The following SNTG1 variants were observed in gnomAD, a reference collection of about 807,000 sequenced individuals.
SNTG1 encodes the protein syntrophin gamma 1.
Under a neutral mutation model 74.7 loss-of-function variants are expected in SNTG1, and 39 were observed. The ratio of observed to expected loss-of-function variants is 0.52; its 90% CI spans 0.40 to 0.68. The LOEUF (loss-of-function observed/expected upper bound fraction) is 0.68. Among genes scored for constraint, SNTG1 ranks in the 30% least tolerant of loss-of-function variants. The pLI, the probability that SNTG1 is intolerant of heterozygous loss-of-function variation, is 0.00. For synonymous variants in SNTG1, 254 were observed against 217.1 expected, an observed-to-expected ratio of 1.17 and a Z score of -1.49; for missense variants, 685 against 609.5, an observed-to-expected ratio of 1.12 and a Z score of -1.30.
At chr8:50,257,541 G>A (rs1453374309) in intron 2 of SNTG1, among the ~76,000 whole-genome samples, 1 of 152,174 alleles carries the variant, frequency 6.6e-6, no homozygotes, top group Non-Finnish European at 1.5e-5. Flanking sequence ...TTTGGTTGGT[G>A]AGCAGTTAAG....
At chr8:50,735,821 A>G (rs1054062603) in intron 17 of SNTG1, among the ~76,000 whole-genome samples, 10 of 152,084 alleles carry the variant, frequency 6.6e-5, no homozygotes, top group African/African-American at 2.4e-4. Flanking sequence ...CATAATCATC[A>G]GATTAACCAA....
chr8:50,553,943 T>C (rs1011090754), intron 12 of SNTG1, among the ~76,000 whole-genome samples: 3 of 152,150 alleles, frequency 2.0e-5, no homozygotes, highest in Admixed American at 6.5e-5. Flanking sequence ...CAGTCCGCAA[T>C]TGTTCCATGC....
At chr8:50,707,645 T>C (rs539706450) in intron 16 of SNTG1, among the ~76,000 whole-genome samples, 29 of 152,294 alleles carry the variant, frequency 1.9e-4, no homozygotes, top group Admixed American at 1.2e-3. Context: ...ACAAATACAA[T>C]GCAAGGATAG....
At chr8:50,312,577 G>A (rs2090156758) in intron 2 of SNTG1, among the ~76,000 whole-genome samples, 1 of 149,864 alleles carries the variant, frequency 6.7e-6, no homozygotes, top group Non-Finnish European at 1.5e-5. Context: ...CTTTCACTCA[G>A]TAGCCAAGGG....
At chr8:50,591,862 A>G (rs796349179) in intron 13 of SNTG1, among the ~76,000 whole-genome samples, 10 of 152,242 alleles carry the variant, frequency 6.6e-5, no homozygotes, top group African/African-American at 2.4e-4. Flanking sequence ...AGCCAAGTTG[A>G]TATCTTGGAT....
At chr8:49,982,056 A>C (rs1400271381) in intron 1 of SNTG1, among the ~76,000 whole-genome samples, 1 of 152,198 alleles carries the variant, frequency 6.6e-6, no homozygotes, top group Non-Finnish European at 1.5e-5. Context: ...TTTGAAAAAA[A>C]TGAGCATGGT....
At chr8:50,437,999 T>C (rs2093321808) in intron 4 of SNTG1, among the ~76,000 whole-genome samples, 1 of 152,186 alleles carries the variant, frequency 6.6e-6, no homozygotes, top group Non-Finnish European at 1.5e-5. Flanking sequence ...AATTTATTCA[T>C]TTTATGAACA....
At chr8:50,768,233 A>G (rs926738191) in intron 18 of SNTG1, among the ~76,000 whole-genome samples, 1 of 151,788 alleles carries the variant, frequency 6.6e-6, no homozygotes, top group Non-Finnish European at 1.5e-5. Context: ...TTGAGGATTG[A>G]CTCCCATTAA....
intron 2 of SNTG1, among the ~76,000 whole-genome samples, chr8:50,216,205 G>A (rs949454479): frequency 6.6e-6 from 1 of 152,174 alleles, no homozygotes; most frequent in East Asian, 1.9e-4. Context: ...AGCCACAAAA[G>A]GATAGGAACA....
chr8:50,416,853 A>G (rs1289102085), intron 4 of SNTG1, among the ~76,000 whole-genome samples: 1 of 62,590 alleles, frequency 1.6e-5, no homozygotes, highest in African/African-American at 5.2e-5. Context: ...CCTGCATTAG[A>G]GCAATGGAGT....
At chr8:50,330,620 G>A (rs1328424193) in intron 2 of SNTG1, among the ~76,000 whole-genome samples, 2 of 152,040 alleles carry the variant, frequency 1.3e-5, no homozygotes, top group African/African-American at 4.8e-5. Context: ...ATATTAATCT[G>A]TTTTCACAGT....
At chr8:50,251,088 G>C (rs1386839469) in intron 2 of SNTG1, among the ~76,000 whole-genome samples, 1 of 151,932 alleles carries the variant, frequency 6.6e-6, no homozygotes, top group Non-Finnish European at 1.5e-5. Flanking sequence ...AATGAAAAGG[G>C]AGAGGGAAAA....
intron 17 of SNTG1, among the ~76,000 whole-genome samples, chr8:50,742,532 A>G (rs2095545710): frequency 6.6e-6 from 1 of 151,840 alleles, no homozygotes; most frequent in Admixed American, 6.6e-5. Context: ...TTGTAGGAGT[A>G]TAAGTATATA....
At chr8:49,914,087 A>T (rs963569584) in intron 1 of SNTG1, among the ~76,000 whole-genome samples, 11 of 152,290 alleles carry the variant, frequency 7.2e-5, no homozygotes, top group Middle Eastern at 3.4e-3. Context: ...ATGTCCTTAC[A>T]TTGAGATAGA....
At chr8:50,203,787 T>A (rs1314062263) in intron 2 of SNTG1, among the ~76,000 whole-genome samples, 2 of 150,902 alleles carry the variant, frequency 1.3e-5, no homozygotes, top group African/African-American at 5.0e-5. Flanking sequence ...TTTCTGTGTG[T>A]GTGTGTGTGT....
intron 2 of SNTG1, among the ~76,000 whole-genome samples, chr8:50,236,612 G>A (rs1179055571): frequency 2.0e-5 from 3 of 152,002 alleles, no homozygotes; most frequent in Admixed American, 6.6e-5. Flanking sequence ...CACTGCGCCC[G>A]GCTAATTTTT....
At chr8:50,454,422 G>A (rs902742307) in intron 8 of SNTG1, among the ~76,000 whole-genome samples, 9 of 152,060 alleles carry the variant, frequency 5.9e-5, no homozygotes, top group Non-Finnish European at 1.2e-4. Context: ...GCTTGAACCC[G>A]GGAGGCGGAG....
intron 2 of SNTG1, among the ~76,000 whole-genome samples, chr8:50,256,859 C>T (rs192774740): frequency 3.8e-4 from 58 of 152,066 alleles, no homozygotes; most frequent in African/African-American, 1.3e-3. Flanking sequence ...AATGGAGAAT[C>T]ATTTATTCAA....
chr8:50,512,390 T>G (rs2094088219), intron 9 of SNTG1, among the ~76,000 whole-genome samples: 1 of 152,100 alleles, frequency 6.6e-6, no homozygotes. Context: ...GACAATTATG[T>G]GTCTTGGAGT....
Sources: gnomAD v4.1 joint callset for allele counts (sites outside exome capture counted in the v4.1 genomes callset) on GRCh38, gnomAD v4.1.1 for gene constraint, MANE v1.5 for transcripts, NCBI Gene and HGNC (gene_info 2026-07-23, HGNC 2026-07-21) for gene names.